The following ZC3HC1 variants were observed in gnomAD, a reference collection of about 807,000 sequenced individuals.
ZC3HC1 encodes zinc finger C3HC-type containing 1.
Under a neutral mutation model 61.9 loss-of-function variants are expected in ZC3HC1, and 38 were observed. The observed-to-expected ratio is 0.61, with a 90% confidence interval of 0.47 to 0.81. The LOEUF (loss-of-function observed/expected upper bound fraction) is 0.81, where lower values mean the gene tolerates loss of function less well. Ranked by LOEUF, ZC3HC1 falls within the 30% of genes least tolerant of loss-of-function variation. The pLI is 0.00. For missense variants in ZC3HC1, 554 were observed against 622.7 expected, an observed-to-expected ratio of 0.89 and a Z score of 1.17; for synonymous variants, 213 against 229.9, an observed-to-expected ratio of 0.93 and a Z score of 0.67.
chr7:130,043,862 T>G (rs1350082800), intron 2 of ZC3HC1: 1 of 455,878 alleles, frequency 2.2e-6, no homozygotes, highest in East Asian at 7.0e-5. Flanking sequence ...TAAGCACATA[T>G]AGGGGATTGA....
rs769821002 is a variant in ZC3HC1 at position 130,023,733 on chromosome 7, A to G, written c.1021-10T>C. On this transcript the variant is annotated splice_polypyrimidine_tract_variant and intron_variant, in intron 7 of 9. Coordinates refer to ENST00000358303, the MANE Select transcript of ZC3HC1 (RefSeq NM_016478.5). This position sits in a 1 kb window ranked among gnomAD's most constrained non-coding sequence, Gnocchi z 4.2. ...CAGGGCTCTTTTCAGCCTGAAGGAA[A>G]GGGGAGATAATGGAAGTACACGAAT... is the stretch of plus-strand genomic sequence containing the variant. 14 of 1,605,870 alleles carry G rather than the reference A, an allele frequency of 8.7e-6. No individual in the cohort carries two copies. The highest frequency in any genetic ancestry group is 1.0e-5 in the Non-Finnish European group (12 of 1,173,458).
intron 4 of ZC3HC1, among the ~76,000 whole-genome samples, chr7:130,029,882 C>T (rs1444654692): frequency 6.6e-6 from 1 of 152,096 alleles, no homozygotes; most frequent in East Asian, 1.9e-4. Flanking sequence ...CTAAAGTCTA[C>T]ACAAGAGATA....
chr7:130,034,401 C>T (rs1420279763), intron 4 of ZC3HC1, among the ~76,000 whole-genome samples: 4 of 137,102 alleles, frequency 2.9e-5, no homozygotes, highest in Admixed American at 8.4e-5. Context: ...AGAAGAATGG[C>T]GTGAACCCGG....
At position 130,051,019 on chromosome 7, in the gene ZC3HC1, G is replaced by T. The variant is rs118071947; in HGVS notation, c.146+202C>A. On this transcript the variant is annotated intron_variant, in intron 1 of 9. Transcript: ENST00000358303. The stretch of plus-strand genomic sequence containing the variant: ...AAATAATGTCCGATGACAAAATTTC[G>T]GCTGCGGTTGGGAATCTGGTACACC... Among the ~76,000 whole-genome samples the T allele has an allele frequency of 8.3e-3, 1,262 of 152,236 alleles. 6 individuals are homozygous for T. Among genetic ancestry groups the T allele is most frequent in the Admixed American group, 0.015 (225 of 15,282 alleles).
chr7:130,030,729 G>A lies in ZC3HC1; in HGVS notation c.494-1700C>T, dbSNP rs186217048. On this transcript the variant is annotated intron_variant, in intron 4 of 9. Transcript: ENST00000358303. ...GTTGCCCAGGCTGGAGTGCAGTGGC[G>A]TGATCTCGGCTCACTGCAGGATCCG... Among the ~76,000 whole-genome samples the A allele has an allele frequency of 2.0e-3, 307 of 150,602 alleles. 1 individual carries two copies. Among genetic ancestry groups the A allele is most frequent in the African/African-American group, 6.6e-3 (269 of 40,972 alleles).
intron 2 of ZC3HC1, among the ~76,000 whole-genome samples, chr7:130,042,966 T>C (rs1445539352): frequency 1.3e-5 from 2 of 152,200 alleles, no homozygotes; most frequent in Non-Finnish European, 1.5e-5. Flanking sequence ...ATTACAGGTA[T>C]GAGCCACCTC....
chr7:130,026,953 G>A (rs1038149609), intron 5 of ZC3HC1: 15 of 135,542 alleles, frequency 1.1e-4, no homozygotes, highest in African/African-American at 4.2e-4. Context: ...CTGGGCGAAT[G>A]AGCAAGACTC....
intron 8 of ZC3HC1, 117 bp from the exon 9 acceptor site, chr7:130,022,642 T>C (rs1032289161): frequency 9.2e-7 from 1 of 1,091,272 alleles, no homozygotes; most frequent in Non-Finnish European, 1.3e-6. Flanking sequence ...CGAGTGTTTA[T>C]GCTCTCCTTC....
At chr7:130,033,193 C>T (rs1794292123) in intron 4 of ZC3HC1, among the ~76,000 whole-genome samples, 1 of 152,066 alleles carries the variant, frequency 6.6e-6, no homozygotes, top group African/African-American at 2.4e-5. Flanking sequence ...TAACCATGCC[C>T]AGCTAATTTT....
At chr7:130,036,309 G>A (rs994841293) in intron 4 of ZC3HC1, among the ~76,000 whole-genome samples, 4 of 152,136 alleles carry the variant, frequency 2.6e-5, no homozygotes, top group African/African-American at 9.7e-5. Context: ...CCTGAGGACA[G>A]AAGTTCAAGA....
chr7:130,038,859 C>CA (rs368582060), intron 4 of ZC3HC1, among the ~76,000 whole-genome samples: 49,534 of 86,306 alleles, frequency 0.57, 14,229 homozygotes, highest in East Asian at 0.91. Flanking sequence ...GGCTCTGTCT[C>CA]AAAAAAAAAA....
Position 130,018,602 on chromosome 7 carries a change from G to T in ZC3HC1, c.*62C>A. ...GTGTCAGCTGACCGAAAGGAACTCA[G>T]CCTTAATTTTTCAAAAAGTCACTCT... On this transcript the variant is annotated 3_prime_UTR_variant, in exon 10 of 10. Transcript: ENST00000358303. The T allele has an allele frequency of 6.9e-7, 1 of 1,459,000 alleles. No homozygotes were observed. Among genetic ancestry groups the T allele is most frequent in the Non-Finnish European group, 9.5e-7 (1 of 1,049,494 alleles). The allele number at this position is 1,459,000 out of a possible 1,614,324, so 90.4% of individuals were successfully genotyped here. A position where few individuals can be genotyped will look rare whatever the true frequency, so the allele number is the denominator to read the frequency against.
chr7:130,040,849 C>CATT, intron 3 of ZC3HC1, 102 bp downstream of exon 3: 1 of 1,189,890 alleles, frequency 8.4e-7, no homozygotes, highest in Non-Finnish European at 1.2e-6. Flanking sequence ...TTGAAGTACG[C>CATT]ATTTTTTGAT....
Position 130,026,324 on chromosome 7 carries a change from C to G in ZC3HC1, c.622-12G>C, listed in dbSNP as rs1793908181. 1.3e-6 allele frequency: 2 copies of G among 1,586,840 alleles called. No homozygotes were observed. The highest frequency in any genetic ancestry group is 1.7e-6 in the Non-Finnish European group (2 of 1,162,774). On this transcript the variant is annotated splice_polypyrimidine_tract_variant and intron_variant, in intron 5 of 9. Coordinates refer to ENST00000358303, the MANE Select transcript of ZC3HC1 (RefSeq NM_016478.5). Reference sequence around the variant, plus strand: ...TCTTCTGTCAAGCACTACAAGGGAGCCAAGTAAAAAACTTCGTTTCAACCA... The same window carrying G: ...TCTTCTGTCAAGCACTACAAGGGAGGCAAGTAAAAAACTTCGTTTCAACCA...
intron 4 of ZC3HC1, chr7:130,036,629 C>A (rs879339512): frequency 7.2e-5 from 11 of 151,920 alleles, no homozygotes; most frequent in Non-Finnish European, 7.4e-5. Flanking sequence ...TAATTATTGG[C>A]AAATGTTAGA....
chr7:130,041,142 A>ACGTG, intron 2 of ZC3HC1, 41 bp from the exon 3 acceptor site: 1 of 1,540,860 alleles, frequency 6.5e-7, no homozygotes, highest in Non-Finnish European at 8.8e-7. Context: ...ATATATATAT[A>ACGTG]TATGTGTGTG....
chr7:130,028,443 G>A (rs1295609545), intron 5 of ZC3HC1, among the ~76,000 whole-genome samples: 1 of 152,066 alleles, frequency 6.6e-6, no homozygotes, highest in East Asian at 1.9e-4. Flanking sequence ...TCAGGAGGCT[G>A]AGGCAGGAGA....
Position 130,028,904 on chromosome 7 carries a change from T to C in ZC3HC1, c.619A>G (p.Met207Val), listed in dbSNP as rs144991455. The change falls in exon 5 of 10, where the codon ATG becomes GTG. Residue 207 changes from methionine (M) to valine (V), a missense_variant and splice_region_variant. Physicochemically the swap from Met to Val is conservative, Grantham distance 21. Transcript: ENST00000358303. The part of the protein sequence containing the change: ...PSLRPEDLKT[M>V]CLTEDKISLL... ...CAGCCTAGTCAGGAAAAACTCACCA[T>C]AGTTTTCAAGTCCTCCGGCCTTAGG... The C allele has an allele frequency of 2.1e-5, 34 of 1,612,254 alleles. No individual in the cohort carries two copies. Among genetic ancestry groups the C allele is most frequent in the African/African-American group, 5.3e-5 (4 of 74,998 alleles).
At chr7:130,031,494 C>T (rs539494470) in intron 4 of ZC3HC1, among the ~76,000 whole-genome samples, 7 of 152,104 alleles carry the variant, frequency 4.6e-5, no homozygotes, top group East Asian at 3.9e-4. Flanking sequence ...ATTATACTGT[C>T]GCAGTGAGAA....
Sources: gnomAD v4.1 joint callset for allele counts (sites outside exome capture counted in the v4.1 genomes callset) on GRCh38, gnomAD v4.1.1 for gene constraint, Gnocchi (gnomAD v3.1) non-coding constraint, MANE v1.5 for transcripts, NCBI Gene and HGNC (gene_info 2026-07-23, HGNC 2026-07-21) for gene names.